PDSS1: variants seen among roughly 807,000 people sequenced by gnomAD.
PDSS1 encodes the protein decaprenyl diphosphate synthase subunit 1, also known as all trans-polyprenyl-diphosphate synthase PDSS1.
PDSS1 carries 43 observed loss-of-function variants against 57.5 expected under a neutral mutation model. That is an observed-to-expected ratio of 0.75 (90% CI 0.59 to 0.96). The LOEUF (loss-of-function observed/expected upper bound fraction) is 0.96, where lower values mean the gene tolerates loss of function less well. PDSS1 is among the 50% of genes least tolerant of loss of function. The pLI is 0.00. For synonymous variants in PDSS1, 175 were observed against 191.3 expected (o/e 0.91, Z 0.70); for missense variants, 438 against 527.8 (o/e 0.83, Z 1.67).
chr10:26,732,826 T>A (rs754218867), intron 8 of PDSS1, among the ~76,000 whole-genome samples: 1 of 152,182 alleles, frequency 6.6e-6, no homozygotes, highest in Non-Finnish European at 1.5e-5. Context: ...AAATGTTCAC[T>A]AACAGATTTT....
In PDSS1 at chr10:26,735,532, C is replaced by A; in HGVS notation, c.979C>A (p.Leu327Met). 1.2e-6 allele frequency: 2 copies of A among 1,614,036 alleles called. No homozygotes were observed. The highest frequency in any genetic ancestry group is 1.7e-6 in the Non-Finnish European group (2 of 1,179,892). ...DQMGKPTSAD[L>M]KLGLATGPVL... ...GATGGGCAAACCAACATCAGCTGAT[C>A]TGAAGCTCGGGTTAGCCACTGGTCC... is the stretch of plus-strand genomic sequence containing the variant. Residue 327 changes from leucine (L) to methionine (M), a missense_variant, in exon 10 of 12, where the codon CTG becomes ATG. Physicochemically the swap from Leu to Met is conservative, Grantham distance 15 (BLOSUM62 2). Transcript: ENST00000376215.
intron 8 of PDSS1, among the ~76,000 whole-genome samples, chr10:26,731,059 T>A (rs983164872): frequency 6.6e-6 from 1 of 151,852 alleles, no homozygotes; most frequent in African/African-American, 2.4e-5. Context: ...ATACAAAAAT[T>A]AGCTGGGCGT....
intron 4 of PDSS1, among the ~76,000 whole-genome samples, chr10:26,706,015 G>A (rs1383356376): frequency 6.6e-6 from 1 of 152,158 alleles, no homozygotes; most frequent in African/African-American, 2.4e-5. Flanking sequence ...GACTCCAGCT[G>A]TCTCTTCCTT....
chr10:26,701,493 C>T (rs371185809), intron 1 of PDSS1, among the ~76,000 whole-genome samples: 1 of 152,210 alleles, frequency 6.6e-6, no homozygotes. Context: ...CCAGCCGTAG[C>T]TAAAAGGGGC....
At chr10:26,735,442 AC>A (rs761028466) in intron 9 of PDSS1, 23 bp from the exon 10 acceptor site, 12 of 1,503,896 alleles carry the variant, frequency 8.0e-6, no homozygotes, top group Non-Finnish European at 1.1e-5. Context: ...GGTGCTCCTT[AC>A]ATCCCATTTT....
chr10:26,701,378 C>T (rs1165721452), intron 1 of PDSS1, among the ~76,000 whole-genome samples: 1 of 152,236 alleles, frequency 6.6e-6, no homozygotes, highest in Non-Finnish European at 1.5e-5. Context: ...GCAGCCCCTC[C>T]CATCACAGGC....
intron 6 of PDSS1, among the ~76,000 whole-genome samples, chr10:26,723,575 T>G (rs775424270): frequency 2.0e-5 from 3 of 152,168 alleles, no homozygotes; most frequent in Non-Finnish European, 4.4e-5. Flanking sequence ...AACTGATTAT[T>G]ACGAACTGGG....
At chr10:26,714,113 C>T (rs56290865) in intron 5 of PDSS1, among the ~76,000 whole-genome samples, 1 of 151,930 alleles carries the variant, frequency 6.6e-6, no homozygotes, top group African/African-American at 2.4e-5. Context: ...CTGCCTCCTG[C>T]AGAACCTAAC....
At chr10:26,701,261 G>T (rs1272929980) in intron 1 of PDSS1, among the ~76,000 whole-genome samples, 2 of 152,228 alleles carry the variant, frequency 1.3e-5, no homozygotes, top group African/African-American at 4.8e-5. Context: ...ATTTTCTGGG[G>T]AGGAATTCAA....
chr10:26,727,999 C>A (rs1836018425), intron 8 of PDSS1, among the ~76,000 whole-genome samples: 1 of 152,158 alleles, frequency 6.6e-6, no homozygotes, highest in Non-Finnish European at 1.5e-5. Context: ...GCTCCTCATA[C>A]CAGGAGGCGC....
At chr10:26,714,320 A>C (rs545771622) in intron 5 of PDSS1, among the ~76,000 whole-genome samples, 350 of 152,244 alleles carry the variant, frequency 2.3e-3, no homozygotes, top group African/African-American at 7.9e-3. Context: ...CAAAAAATAT[A>C]AAAATTAGCC....
intron 6 of PDSS1, among the ~76,000 whole-genome samples, chr10:26,722,372 T>A (rs925669983): frequency 1.3e-5 from 2 of 152,108 alleles, no homozygotes; most frequent in African/African-American, 4.8e-5. Context: ...ATGTTAAAAA[T>A]TCTGTGAACT....
At chr10:26,707,294 C>T (rs1228095241) in intron 4 of PDSS1, among the ~76,000 whole-genome samples, 2 of 152,294 alleles carry the variant, frequency 1.3e-5, no homozygotes, top group East Asian at 3.9e-4. Flanking sequence ...ACCCAACTCC[C>T]GAGATCTTAT....
intron 6 of PDSS1, among the ~76,000 whole-genome samples, chr10:26,723,030 C>T (rs1835838950): frequency 6.6e-6 from 1 of 151,820 alleles, no homozygotes; most frequent in South Asian, 2.1e-4. Context: ...GGGGTGTGCT[C>T]AGTACTAGCT....
At chr10:26,714,277 T>C (rs184524037) in intron 5 of PDSS1, among the ~76,000 whole-genome samples, 352 of 152,110 alleles carry the variant, frequency 2.3e-3, no homozygotes, top group African/African-American at 7.9e-3. Flanking sequence ...AGTTTGAGGC[T>C]AGCCTGGCCA....
chr10:26,716,328 G>A lies in PDSS1; in HGVS notation c.468-3890G>A, dbSNP rs118181124. Among the ~76,000 whole-genome samples, 827 of 152,302 alleles carry A rather than the reference G, an allele frequency of 5.4e-3. 3 individuals are homozygous for A. Among genetic ancestry groups the A allele is most frequent in the Non-Finnish European group, 9.1e-3 (620 of 68,032 alleles). On this transcript the variant is annotated intron_variant, in intron 5 of 11. Coordinates refer to ENST00000376215, the MANE Select transcript of PDSS1 (RefSeq NM_014317.5). ...TTTTGTAAAACCACATGTAAACCTC[G>A]TAAAGGATTCACTGGTAGGGTCATT...
chr10:26,718,599 A>G (rs926502185), intron 5 of PDSS1: 1 of 152,062 alleles, frequency 6.6e-6, no homozygotes, highest in Non-Finnish European at 1.5e-5. Flanking sequence ...CATCTCTACT[A>G]AAAATACAAA....
At chr10:26,701,693 G>T (rs559081760) in intron 1 of PDSS1, among the ~76,000 whole-genome samples, 10 of 152,232 alleles carry the variant, frequency 6.6e-5, no homozygotes, top group Non-Finnish European at 1.3e-4. Context: ...CCCTCATGGA[G>T]AACCTCTGTT....
intron 11 of PDSS1, among the ~76,000 whole-genome samples, chr10:26,744,269 G>A (rs895453733): frequency 6.6e-6 from 1 of 152,168 alleles, no homozygotes; most frequent in African/African-American, 2.4e-5. Flanking sequence ...TCCAAGTGAG[G>A]ATGAAACATT....
Sources: gnomAD v4.1 joint callset for allele counts (sites outside exome capture counted in the v4.1 genomes callset) on GRCh38, gnomAD v4.1.1 for gene constraint, MANE v1.5 for transcripts, NCBI Gene and HGNC (gene_info 2026-07-23, HGNC 2026-07-21) for gene names.